Variants in ZC3H7A observed in about 807,000 individuals in gnomAD.
ZC3H7A encodes the protein zinc finger CCCH-type containing 7A.
In ZC3H7A, 44 loss-of-function variants were observed where a neutral mutation model predicts 125.5. That is an observed-to-expected ratio of 0.35 (90% CI 0.28 to 0.45). The LOEUF (loss-of-function observed/expected upper bound fraction) is 0.45. ZC3H7A is among the 20% of genes least tolerant of loss of function. ZC3H7A has a pLI of 1.00. For missense variants in ZC3H7A, 977 were observed against 1,170.7 expected (o/e 0.83, Z 2.41); for synonymous variants, 399 against 391.2 (o/e 1.02, Z -0.23).
chr16:11,788,682 C>T (rs1395261836), intron 1 of ZC3H7A, among the ~76,000 whole-genome samples: 1 of 149,706 alleles, frequency 6.7e-6, no homozygotes, highest in East Asian at 2.0e-4. Context: ...GGCGTGATCT[C>T]GGCTCAATAC....
chr16:11,752,106 A>G (rs911169560), intron 22 of ZC3H7A, among the ~76,000 whole-genome samples: 1 of 151,742 alleles, frequency 6.6e-6, no homozygotes. Flanking sequence ...GGGTTTCACC[A>G]TGTTGTCCAG....
At chr16:11,787,555 G>A (rs143642862) in intron 1 of ZC3H7A, among the ~76,000 whole-genome samples, 113 of 152,144 alleles carry the variant, frequency 7.4e-4, no homozygotes, top group African/African-American at 2.5e-3. Context: ...TTAAACTTCC[G>A]GTCTCAAGCG....
intron 11 of ZC3H7A, 29 bp from the exon 12 acceptor site, chr16:11,768,530 A>AC (rs1306194799): frequency 6.9e-7 from 1 of 1,446,142 alleles, no homozygotes; most frequent in Non-Finnish European, 9.2e-7. Context: ...GAAAAAAAAA[A>AC]AAAACAGCCA....
intron 1 of ZC3H7A, among the ~76,000 whole-genome samples, chr16:11,785,664 G>C (rs2053246410): frequency 6.6e-6 from 1 of 151,668 alleles, no homozygotes; most frequent in Admixed American, 6.6e-5. Context: ...TTGTCACGCA[G>C]GCTGGAGTGC....
chr16:11,756,604 T>C (rs1458305405), intron 20 of ZC3H7A, among the ~76,000 whole-genome samples: 2 of 152,202 alleles, frequency 1.3e-5, no homozygotes, highest in African/African-American at 2.4e-5. Context: ...TCAGGATTAA[T>C]TAACCCCTCC....
intron 1 of ZC3H7A, among the ~76,000 whole-genome samples, chr16:11,792,321 T>G (rs931220335): frequency 6.6e-6 from 1 of 152,232 alleles, no homozygotes; most frequent in African/African-American, 2.4e-5. Context: ...GATCAGCTGA[T>G]TTAAAATTTG....
chr16:11,764,188 GGATCACCTGAGGTCAA>G (rs1567377733), intron 15 of ZC3H7A, among the ~76,000 whole-genome samples: 1 of 151,194 alleles, frequency 6.6e-6, no homozygotes, highest in African/African-American at 2.4e-5. Flanking sequence ...CAAGACGGGT[GGATCACCTGAGGTCAA>G]GAGTTCGAAA....
intron 11 of ZC3H7A, 46 bp from the exon 12 acceptor site, chr16:11,768,547 A>G: frequency 7.1e-7 from 1 of 1,400,336 alleles, no homozygotes; most frequent in Non-Finnish European, 9.5e-7. Flanking sequence ...GCCAACAAAT[A>G]TTGCATTATC....
rs750619582 is a variant in ZC3H7A at position 11,782,393 on chromosome 16, A to G, written c.-34-5T>C. On this transcript the variant is annotated splice_region_variant and splice_polypyrimidine_tract_variant and intron_variant, in intron 1 of 22. Transcript: ENST00000355758. ...TCCACTTTCTAAATGAGCAATCTGG[A>G]AAGAAACAAGGCAAAAAAGCACATA... is the stretch of plus-strand genomic sequence containing the variant. 6.2e-7 allele frequency: 1 copy of G among 1,613,340 alleles called. No individual in the cohort carries two copies. Among genetic ancestry groups the G allele is most frequent in the Non-Finnish European group, 8.5e-7 (1 of 1,179,520 alleles).
In ZC3H7A at chr16:11,756,299, T is replaced by C. The variant is rs763769427; in HGVS notation, c.2500A>G (p.Ser834Gly). The C allele has an allele frequency of 6.2e-7, 1 of 1,614,214 alleles. No individual in the cohort carries two copies. The highest frequency in any genetic ancestry group is 1.1e-5 in the South Asian group (1 of 91,078). Reference protein sequence around the residue: ...QKNEKSEDIASQSNKENGKQI... With the variant: ...QKNEKSEDIAGQSNKENGKQI... Reference sequence around the variant, plus strand: ...TTTCCATTTTCCTTGTTTGACTGACTGGCTATGTCTTCACTTTTTTCATTT... The same window carrying C: ...TTTCCATTTTCCTTGTTTGACTGACCGGCTATGTCTTCACTTTTTTCATTT... The change falls in exon 21 of 23, where the codon AGT (serine) becomes GGT (glycine). Residue 834 changes from serine (S) to glycine (G), a missense_variant. By Grantham distance (56) the Ser-to-Gly change is moderately conservative. Transcript: ENST00000355758.
At chr16:11,776,183 G>A in intron 7 of ZC3H7A, 137 bp downstream of exon 7, 2 of 775,608 alleles carry the variant, frequency 2.6e-6, no homozygotes, top group Non-Finnish European at 4.1e-6. Context: ...AAAGTGACAG[G>A]AGGGTATTGC....
chr16:11,763,096 T>C, intron 16 of ZC3H7A: 1 of 257,972 alleles, frequency 3.9e-6, no homozygotes, highest in Non-Finnish European at 7.3e-6. Flanking sequence ...GAAGGGGAGG[T>C]CTCCAAATTC....
intron 1 of ZC3H7A, among the ~76,000 whole-genome samples, chr16:11,795,415 C>G (rs537538847): frequency 6.6e-6 from 1 of 151,802 alleles, no homozygotes; most frequent in Non-Finnish European, 1.5e-5. Flanking sequence ...ATAAGCCATA[C>G]GTGTCATTGT....
chr16:11,776,627 C>T (rs1249496048), intron 5 of ZC3H7A, 95 bp from the exon 6 acceptor site: 1 of 1,494,134 alleles, frequency 6.7e-7, no homozygotes, highest in Non-Finnish European at 9.0e-7. Context: ...AAGACACCTG[C>T]TTCATTAGCA....
At chr16:11,796,146 A>G (rs1368524321) in intron 1 of ZC3H7A, 3 of 152,222 alleles carry the variant, frequency 2.0e-5, no homozygotes, top group African/African-American at 7.2e-5. Context: ...ATTAATTTTA[A>G]TGATCTATTT....
chr16:11,787,744 G>A (rs1391036128), intron 1 of ZC3H7A, among the ~76,000 whole-genome samples: 2 of 152,026 alleles, frequency 1.3e-5, no homozygotes, highest in Admixed American at 1.3e-4. Context: ...TCAGGAGTTC[G>A]AGACCAGCCT....
rs879909562 is a variant in ZC3H7A, at chr16:11,772,174, G to A, written c.904-1187C>T. On this transcript the variant is annotated intron_variant, in intron 9 of 22. Transcript: ENST00000355758. ...CGCACCACTGCACACCAGCCTGGGC[G>A]ACAGAGTGAGACTCTGTCTCAAAAA... Among the ~76,000 whole-genome samples the A allele has an allele frequency of 4.5e-3, 662 of 147,926 alleles. 7 individuals carry two copies. Among genetic ancestry groups the A allele is most frequent in the African/African-American group, 0.016 (627 of 38,462 alleles).
At chr16:11,763,217 C>A (rs1460378758) in intron 16 of ZC3H7A, 10 of 284,458 alleles carry the variant, frequency 3.5e-5, no homozygotes, top group Non-Finnish European at 5.9e-5. Flanking sequence ...AAGCAATTCT[C>A]ATGCCTCAGC....
intron 20 of ZC3H7A, among the ~76,000 whole-genome samples, chr16:11,757,916 G>T (rs560121947): frequency 6.6e-6 from 1 of 152,262 alleles, no homozygotes; most frequent in Admixed American, 6.5e-5. Flanking sequence ...ACATTTTATG[G>T]TCAAAAGTGA....
Sources: gnomAD v4.1 joint callset for allele counts (sites outside exome capture counted in the v4.1 genomes callset) on GRCh38, gnomAD v4.1.1 for gene constraint, MANE v1.5 for transcripts, NCBI Gene and HGNC (gene_info 2026-07-23, HGNC 2026-07-21) for gene names.